Variants in CLSTN2 observed in about 807,000 individuals in gnomAD.
The protein encoded by CLSTN2 is calsyntenin 2.
CLSTN2 carries 48 observed loss-of-function variants against 101.2 expected under a neutral mutation model. That is an observed-to-expected ratio of 0.47 (90% CI 0.38 to 0.60). The LOEUF is 0.60. Ranked by LOEUF, CLSTN2 falls within the 20% of genes least tolerant of loss-of-function variation. The pLI, the probability that CLSTN2 is intolerant of heterozygous loss-of-function variation, is 0.00. For missense variants in CLSTN2, 1,160 were observed against 1,238.2 expected, an observed-to-expected ratio of 0.94 and a Z score of 0.95; for synonymous variants, 481 against 463.6, an observed-to-expected ratio of 1.04 and a Z score of -0.48.
At chr3:140,009,707 T>A (rs1360340030) in intron 1 of CLSTN2, among the ~76,000 whole-genome samples, 3 of 152,248 alleles carry the variant, frequency 2.0e-5, no homozygotes, top group African/African-American at 7.2e-5. Context: ...GTTATAAAAA[T>A]TGCTGCAACA....
At chr3:140,166,460 G>A (rs780161017) in intron 1 of CLSTN2, among the ~76,000 whole-genome samples, 1 of 152,158 alleles carries the variant, frequency 6.6e-6, no homozygotes, top group Non-Finnish European at 1.5e-5. Context: ...TTTCACTCAG[G>A]GAGCAGTATT....
chr3:140,154,129 A>G (rs1011071956), intron 1 of CLSTN2, among the ~76,000 whole-genome samples: 24 of 152,192 alleles, frequency 1.6e-4, no homozygotes, highest in African/African-American at 4.8e-4. Flanking sequence ...TGTGATGAAA[A>G]TAATAAAATT....
At chr3:140,179,427 G>A in intron 2 of CLSTN2, among the ~76,000 whole-genome samples, 1 of 149,940 alleles carries the variant, frequency 6.7e-6, no homozygotes, top group African/African-American at 2.5e-5. Context: ...ATACCGGCCT[G>A]GGAAACATGG....
chr3:140,410,877 A>G (rs999143520), intron 4 of CLSTN2, among the ~76,000 whole-genome samples: 1 of 152,210 alleles, frequency 6.6e-6, no homozygotes, highest in Non-Finnish European at 1.5e-5. Flanking sequence ...TGGTACAACC[A>G]TAATATGTTT....
intron 1 of CLSTN2, among the ~76,000 whole-genome samples, chr3:139,953,265 C>A (rs554052283): frequency 6.6e-6 from 1 of 152,126 alleles, no homozygotes; most frequent in African/African-American, 2.4e-5. Context: ...CCACACAGAT[C>A]CTCTCCCCTA....
chr3:140,435,728 TTTG>T lies in CLSTN2; in HGVS notation c.788-12784_788-12782del, dbSNP rs1272993107. On this transcript the variant is annotated intron_variant, in intron 5 of 16. Coordinates refer to ENST00000458420, the MANE Select transcript of CLSTN2 (RefSeq NM_022131.3). ...CCTTTTCTCCACATCCTCGCTAGCA[TTTG>T]TTGTTGCCTGTCTTTTGGATATGGG... is the stretch of plus-strand genomic sequence containing the variant. Among the ~76,000 whole-genome samples, 4 of 152,256 alleles carry T rather than the reference TTTG, an allele frequency of 2.6e-5. No individual in the cohort carries two copies. In the East Asian group the frequency reaches 7.7e-4, roughly 29 times the overall value.
At chr3:140,198,240 C>T (rs2010670638) in intron 2 of CLSTN2, among the ~76,000 whole-genome samples, 1 of 152,198 alleles carries the variant, frequency 6.6e-6, no homozygotes, top group African/African-American at 2.4e-5. Context: ...TGTCCACAGT[C>T]CAGCTGCATA....
intron 2 of CLSTN2, among the ~76,000 whole-genome samples, chr3:140,367,883 G>A (rs1390514676): frequency 2.0e-5 from 3 of 152,158 alleles, no homozygotes; most frequent in Non-Finnish European, 4.4e-5. Flanking sequence ...CTCAGCTTGA[G>A]GCCTGGAGCA....
chr3:140,075,594 C>A (rs961737428), intron 1 of CLSTN2, among the ~76,000 whole-genome samples: 1 of 152,256 alleles, frequency 6.6e-6, no homozygotes, highest in East Asian at 1.9e-4. Flanking sequence ...GCTCCTTATG[C>A]CATCCCTGCT....
At chr3:139,998,335 C>CTTTTTTT (rs1290360293) in intron 1 of CLSTN2, among the ~76,000 whole-genome samples, 1 of 20,428 alleles carries the variant, frequency 4.9e-5, no homozygotes, top group African/African-American at 2.3e-4. Context: ...CCCCCACATG[C>CTTTTTTT]CTTTTTTTTT....
At chr3:140,107,808 G>T (rs2009086725) in intron 1 of CLSTN2, among the ~76,000 whole-genome samples, 1 of 152,144 alleles carries the variant, frequency 6.6e-6, no homozygotes, top group African/African-American at 2.4e-5. Flanking sequence ...CATTTCACTT[G>T]GGATTCATGA....
intron 1 of CLSTN2, among the ~76,000 whole-genome samples, chr3:140,089,971 C>CA: frequency 2.0e-5 from 1 of 49,648 alleles, no homozygotes; most frequent in Non-Finnish European, 3.5e-5. Context: ...CTAGGATTGG[C>CA]TTTTTTTTTT....
In CLSTN2 at chr3:140,558,722, A is replaced by G; in HGVS notation, c.1906A>G (p.Thr636Ala). 2 of 1,613,942 alleles carry G rather than the reference A, an allele frequency of 1.2e-6. No individual in the cohort carries two copies. Among genetic ancestry groups the G allele is most frequent in the Non-Finnish European group, 8.5e-7 (1 of 1,179,934 alleles). Reference protein sequence around the residue: ...MVLQAIEPRITLRGTDHFWRP... With the variant: ...MVLQAIEPRIALRGTDHFWRP... ...CCTCCAGGCCATCGAGCCCCGGATC[A>G]CCCTCCGGGGCACAGACCACTTCTG... The change falls in exon 12 of 17, where the codon ACC (threonine) becomes GCC (alanine). Residue 636 changes from threonine (T) to alanine (A), a missense_variant. By Grantham distance (58) the Thr-to-Ala change is moderately conservative. Transcript: ENST00000458420.
intron 2 of CLSTN2, among the ~76,000 whole-genome samples, chr3:140,342,676 A>AT (rs1369423925): frequency 1.3e-5 from 2 of 152,092 alleles, no homozygotes; most frequent in African/African-American, 4.8e-5. Flanking sequence ...TCTGCTCCTG[A>AT]TGTCTGGGGT....
chr3:140,110,306 A>G (rs1264866031), intron 1 of CLSTN2, among the ~76,000 whole-genome samples: 3 of 152,194 alleles, frequency 2.0e-5, no homozygotes, highest in Non-Finnish European at 2.9e-5. Flanking sequence ...CTGATTATTA[A>G]CAAAGGAAAT....
At chr3:140,251,468 GC>G (rs2086562864) in intron 2 of CLSTN2, among the ~76,000 whole-genome samples, 1 of 152,148 alleles carries the variant, frequency 6.6e-6, no homozygotes, top group Non-Finnish European at 1.5e-5. Context: ...GGCAGAAAGA[GC>G]TAAAAATGTT....
In CLSTN2 at chr3:140,346,225, T is replaced by C. The variant is rs140703678; in HGVS notation, c.233-57404T>C. Among the ~76,000 whole-genome samples the C allele has an allele frequency of 2.7e-3, 404 of 152,336 alleles. 2 individuals are homozygous for C. Among genetic ancestry groups the C allele is most frequent in the African/African-American group, 8.5e-3 (355 of 41,562 alleles). ...CGAGTGAGCTATAAAATTCATCAGT[T>C]ACCACACTGTTTATTAACATTTATA... On this transcript the variant is annotated intron_variant, in intron 2 of 16. Coordinates refer to ENST00000458420, the MANE Select transcript of CLSTN2 (RefSeq NM_022131.3).
intron 1 of CLSTN2, among the ~76,000 whole-genome samples, chr3:140,030,801 T>A (rs2007530445): frequency 6.6e-6 from 1 of 152,228 alleles, no homozygotes; most frequent in African/African-American, 2.4e-5. Context: ...CAACAACATC[T>A]TCACTAAGTA....
chr3:140,414,247 TAAC>T (rs1348670725), intron 4 of CLSTN2, among the ~76,000 whole-genome samples: 5 of 152,002 alleles, frequency 3.3e-5, no homozygotes, highest in Non-Finnish European at 5.9e-5. Context: ...TTTTGTACAC[TAAC>T]AACAAACTAT....
Sources: allele counts gnomAD v4.1 joint callset (sites outside exome capture counted in the v4.1 genomes callset), GRCh38; gene constraint gnomAD v4.1.1; transcripts MANE v1.5; gene names NCBI Gene and HGNC (gene_info 2026-07-23, HGNC 2026-07-21).